The following CPAMD8 variants were observed in gnomAD, a reference collection of about 807,000 sequenced individuals.
CPAMD8 encodes C3 and PZP-like alpha-2-macroglobulin domain-containing protein 8.
CPAMD8 carries 146 observed loss-of-function variants against 224.7 expected under a neutral mutation model. The ratio of observed to expected loss-of-function variants is 0.65; its 90% CI spans 0.57 to 0.75. The LOEUF (loss-of-function observed/expected upper bound fraction) is 0.75. CPAMD8 is among the 30% of genes least tolerant of loss of function. The probability of loss-of-function intolerance (pLI) is 0.00; values close to 1 mark genes in which losing one functional copy is unlikely to be tolerated. For missense variants in CPAMD8, 2,301 were observed against 2,537.5 expected (o/e 0.91, Z 2.00); for synonymous variants, 966 against 1,044.6 (o/e 0.92, Z 1.45).
intron 2 of CPAMD8, among the ~76,000 whole-genome samples, chr19:17,021,162 C>A (rs2056944566): frequency 1.3e-5 from 2 of 152,186 alleles, no homozygotes; most frequent in Admixed American, 1.3e-4. Context: ...ACTGGTGCTT[C>A]CCCTGATCTT....
intron 6 of CPAMD8, among the ~76,000 whole-genome samples, chr19:17,009,024 AG>A (rs2056573781): frequency 6.6e-6 from 1 of 151,898 alleles, no homozygotes; most frequent in Non-Finnish European, 1.5e-5. Flanking sequence ...TGAACCCGGG[AG>A]GCAGAGGTTG....
At chr19:16,954,935 T>C (rs2054419028) in intron 19 of CPAMD8, among the ~76,000 whole-genome samples, 1 of 152,190 alleles carries the variant, frequency 6.6e-6, no homozygotes, top group South Asian at 2.1e-4. Context: ...GATACCATCC[T>C]GGGTAACACG....
At chr19:16,967,852 C>T (rs111822385) in intron 18 of CPAMD8, among the ~76,000 whole-genome samples, 24 of 40,400 alleles carry the variant, frequency 5.9e-4, no homozygotes, top group East Asian at 1.5e-3. Context: ...CACATATGTG[C>T]GTGTATATAC....
chr19:16,998,133 T>C (rs1026990101), intron 10 of CPAMD8, among the ~76,000 whole-genome samples: 3 of 152,180 alleles, frequency 2.0e-5, no homozygotes, highest in Admixed American at 6.5e-5. Flanking sequence ...TAGGGGTTTA[T>C]GGTTTCCAAT....
rs900395418 is a variant in CPAMD8 at position 17,026,790 on chromosome 19, C to G, written c.-148G>C. 9.1e-6 allele frequency: 10 copies of G among 1,100,930 alleles called. No homozygotes were observed. The highest frequency in any genetic ancestry group is 5.8e-5 in the East Asian group (1 of 17,258). 68.2% of individuals were successfully genotyped at this position (1,100,930 alleles called of 1,614,324 possible). A position where few individuals can be genotyped will look rare whatever the true frequency, so the allele number is the denominator to read the frequency against. On this transcript the variant is annotated 5_prime_UTR_variant, in exon 1 of 42. Coordinates refer to ENST00000443236, the MANE Select transcript of CPAMD8 (RefSeq NM_015692.5). Reference sequence around the variant, plus strand: ...GCAGTGCGCCCGGCGCCATGCGCCCCGCTCCGCGCCCGGCCAAGCTGGGGC... The same window carrying G: ...GCAGTGCGCCCGGCGCCATGCGCCCGGCTCCGCGCCCGGCCAAGCTGGGGC...
At chr19:17,009,225 C>G (rs554380235) in intron 6 of CPAMD8, 78 bp downstream of exon 6, 2 of 1,611,548 alleles carry the variant, frequency 1.2e-6, no homozygotes, top group Non-Finnish European at 1.7e-6. Context: ...AGACAGTGAG[C>G]GAAGACAGAC....
chr19:16,943,406 C>A (rs147932487), intron 22 of CPAMD8, among the ~76,000 whole-genome samples: 1 of 149,842 alleles, frequency 6.7e-6, no homozygotes, highest in Non-Finnish European at 1.5e-5. Flanking sequence ...TTTATTTATT[C>A]ATTCATTCAT....
intron 22 of CPAMD8, among the ~76,000 whole-genome samples, chr19:16,942,235 G>A (rs1446795149): frequency 6.6e-6 from 1 of 152,132 alleles, no homozygotes; most frequent in Non-Finnish European, 1.5e-5. Flanking sequence ...ACCGAGGCGG[G>A]CGGGTCACCT....
chr19:17,004,751 T>C (rs1160104057), intron 7 of CPAMD8, among the ~76,000 whole-genome samples: 2 of 151,976 alleles, frequency 1.3e-5, no homozygotes, highest in Non-Finnish European at 2.9e-5. Context: ...TGGGCACTAC[T>C]GACACCTGGG....
chr19:16,947,249 C>T, intron 20 of CPAMD8, 22 bp from the exon 21 acceptor site: 1 of 1,597,488 alleles, frequency 6.3e-7, no homozygotes, highest in Non-Finnish European at 8.5e-7. Flanking sequence ...GGCATTGGCT[C>T]ATGGCGCCTG....
intron 23 of CPAMD8, among the ~76,000 whole-genome samples, chr19:16,934,319 GTA>G (rs1418700541): frequency 1.3e-5 from 2 of 152,128 alleles, no homozygotes; most frequent in African/African-American, 4.8e-5. Context: ...GTAATTTATT[GTA>G]TGTCAATTAT....
Position 16,893,201 on chromosome 19 carries a change from T to C in CPAMD8, c.5565A>G (p.Pro1855=). ...AGACGAAGACAGGGCTCAGAAGCCC[T>C]GGCCTGTGGGCCCCCACCACCCGGC... ...HSGRVVGAHR[P]GLLSPVFVYS... is the part of the protein sequence containing the mutation. The change falls in exon 42 of 42, where the codon CCA becomes CCG. Residue 1855 remains proline (P), a synonymous_variant. Coordinates refer to ENST00000443236, the MANE Select transcript of CPAMD8 (RefSeq NM_015692.5). 6.3e-7 allele frequency: 1 copy of C among 1,596,980 alleles called. No homozygotes were observed. The highest frequency in any genetic ancestry group is 8.5e-7 in the Non-Finnish European group (1 of 1,169,710).
At chr19:16,911,736 G>A (rs946364428) in intron 29 of CPAMD8, among the ~76,000 whole-genome samples, 10 of 151,980 alleles carry the variant, frequency 6.6e-5, no homozygotes, top group African/African-American at 1.2e-4. Context: ...TAGTAGAGAC[G>A]GGGTTTCACC....
In CPAMD8 at chr19:17,022,010, C is replaced by T; in HGVS notation, c.244+20G>A. On this transcript the variant is annotated intron_variant, in intron 2 of 41. Coordinates refer to ENST00000443236, the MANE Select transcript of CPAMD8 (RefSeq NM_015692.5). ...TTGCAAAAGAAGGGGAAGTCCTGGT[C>T]TGGCACCCAAGGGACCTACCCAGGA... The T allele has an allele frequency of 6.3e-7, 1 of 1,577,708 alleles. No homozygotes were observed. The highest frequency in any genetic ancestry group is 1.2e-5 in the South Asian group (1 of 86,656).
At position 16,907,017 on chromosome 19, in the gene CPAMD8, G is replaced by A. The variant is rs1489139105; in HGVS notation, c.3962C>T (p.Thr1321Ile). 1.9e-6 allele frequency: 3 copies of A among 1,607,888 alleles called. No homozygotes were observed. The highest frequency in any genetic ancestry group is 4.5e-5 in the East Asian group (2 of 44,684). Residue 1321 changes from threonine (T) to isoleucine (I), a missense_variant, in exon 30 of 42, where the codon ACC becomes ATC. Thr to Ile is a moderately conservative substitution (Grantham distance 89). Coordinates refer to ENST00000443236, the MANE Select transcript of CPAMD8 (RefSeq NM_015692.5). ...AGGGGCTGCCGGGCTGCGGAGCAGG[G>A]TCAGCGCGTAGGTAGTCAGGGCACA... is the stretch of plus-strand genomic sequence containing the variant. The part of the protein sequence containing the change: ...YSCALTTYAL[T>I]LLRSPAAPEA...
At position 16,897,692 on chromosome 19, in the gene CPAMD8, C is replaced by T. The variant is rs1305553067; in HGVS notation, c.5064G>A (p.Pro1688=). ...NEVERAPARG[P]GWFPGESGPA... is the part of the protein sequence containing the mutation. ...GCGGCAGTGGCTCCGCGCACTCACC[C>T]GGGCCCCGGGCAGGGGCGCGCTCCA... is the stretch of plus-strand genomic sequence containing the variant. Residue 1688 remains proline (P), a splice_region_variant and synonymous_variant, in exon 39 of 42, where the codon CCG becomes CCA. Coordinates refer to ENST00000443236, the MANE Select transcript of CPAMD8 (RefSeq NM_015692.5). 4 of 1,515,842 alleles carry T rather than the reference C, an allele frequency of 2.6e-6. No individual in the cohort carries two copies. Among genetic ancestry groups the T allele is most frequent in the African/African-American group, 2.8e-5 (2 of 70,878 alleles). The allele number at this position is 1,515,842 out of a possible 1,614,324, so 93.9% of individuals were successfully genotyped here. A position where few individuals can be genotyped will look rare whatever the true frequency, so the allele number is the denominator to read the frequency against.
At chr19:16,904,818 A>T (rs553197430) in intron 30 of CPAMD8, among the ~76,000 whole-genome samples, 1 of 152,278 alleles carries the variant, frequency 6.6e-6, no homozygotes, top group Admixed American at 6.5e-5. Flanking sequence ...AGACATCACT[A>T]ATCAAAGGCC....
At chr19:16,915,877 CTCTTT>C (rs1227279317) in intron 27 of CPAMD8, among the ~76,000 whole-genome samples, 1 of 150,732 alleles carries the variant, frequency 6.6e-6, no homozygotes, top group African/African-American at 2.4e-5. Flanking sequence ...TCTTCTTTCT[CTCTTT>C]TCTTTCTTTT....
At chr19:16,939,411 G>A (rs918412677) in intron 22 of CPAMD8, among the ~76,000 whole-genome samples, 3 of 152,040 alleles carry the variant, frequency 2.0e-5, no homozygotes, top group African/African-American at 7.2e-5. Flanking sequence ...ATTTTGCCAT[G>A]TTGGCCAGGC....
Sources: gnomAD v4.1 joint callset for allele counts (sites outside exome capture counted in the v4.1 genomes callset) on GRCh38, gnomAD v4.1.1 for gene constraint, MANE v1.5 for transcripts, NCBI Gene and HGNC (gene_info 2026-07-23, HGNC 2026-07-21) for gene names.